The following SIM1 variants were observed in gnomAD, a reference collection of about 807,000 sequenced individuals.
SIM1 encodes SIM bHLH transcription factor 1.
SIM1 carries 18 observed loss-of-function variants against 78.2 expected under a neutral mutation model. The observed-to-expected ratio is 0.23, with a 90% CI of 0.16 to 0.34. The LOEUF is 0.34. Among genes scored for constraint, SIM1 ranks in the 10% least tolerant of loss-of-function variants. SIM1 has a pLI of 1.00. For missense variants in SIM1, 939 were observed against 975.1 expected (o/e 0.96, Z 0.49); for synonymous variants, 417 against 385.2 (o/e 1.08, Z -0.97).
In SIM1 at chr6:100,388,409, G is replaced by A. The variant is rs1770559025; in HGVS notation, c.*1952C>T. ...CACAGTTCAAACCCATGTTATTCAA[G>A]GGTCAACTGCACTTTGAATTTTTTG... On this transcript the variant is annotated 3_prime_UTR_variant, in exon 12 of 12. Coordinates refer to ENST00000369208, the MANE Select transcript of SIM1 (RefSeq NM_005068.3). 6.6e-6 allele frequency: 1 copy of A among 152,116 alleles called. No individual in the cohort carries two copies. The highest frequency in any genetic ancestry group is 1.5e-5 in the Non-Finnish European group (1 of 68,014). The allele number at this position is 152,116 out of a possible 1,614,324, so 9.4% of individuals were successfully genotyped here.
At chr6:100,435,884 G>A (rs970864853) in intron 9 of SIM1, among the ~76,000 whole-genome samples, 4 of 152,066 alleles carry the variant, frequency 2.6e-5, no homozygotes, top group African/African-American at 9.7e-5. Flanking sequence ...CTGAGGCAAT[G>A]AGATAAACAG....
At chr6:100,402,567 CTTTTTTTTTTTTTT>C (rs869130841) in intron 10 of SIM1, among the ~76,000 whole-genome samples, 2 of 76,336 alleles carry the variant, frequency 2.6e-5, no homozygotes, top group Admixed American at 1.7e-4. Context: ...TTTCTTTTCT[CTTTTTTTTTTTTTT>C]TTTTTTTTTT....
chr6:100,450,696 T>TCTCTCTCTCTCACACACACACACA (rs1421452803), intron 3 of SIM1, among the ~76,000 whole-genome samples: 1 of 91,930 alleles, frequency 1.1e-5, no homozygotes, highest in African/African-American at 3.9e-5. Context: ...TCTCTCTCTC[T>TCTCTCTCTCTCACACACACACACA]CACACACACA....
intron 9 of SIM1, among the ~76,000 whole-genome samples, chr6:100,424,689 C>T (rs770097535): frequency 6.6e-6 from 1 of 152,020 alleles, no homozygotes; most frequent in Non-Finnish European, 1.5e-5. Flanking sequence ...GATCCTCCTG[C>T]CTTGACCTCC....
intron 10 of SIM1, among the ~76,000 whole-genome samples, chr6:100,418,098 G>A (rs1259080321): frequency 1.3e-5 from 2 of 152,126 alleles, no homozygotes; most frequent in Non-Finnish European, 2.9e-5. Context: ...ATGGGCACTT[G>A]GGAGGCTGAC....
At chr6:100,404,158 A>G (rs17060510) in intron 10 of SIM1, among the ~76,000 whole-genome samples, 11,658 of 152,290 alleles carry the variant, frequency 0.077, 512 homozygotes, top group East Asian at 0.18. Flanking sequence ...GTCTCATACC[A>G]CAAGTACACC....
intron 10 of SIM1, among the ~76,000 whole-genome samples, chr6:100,398,837 C>G (rs1304649845): frequency 6.6e-6 from 1 of 151,984 alleles, no homozygotes; most frequent in Non-Finnish European, 1.5e-5. Context: ...CTTTGAGGAC[C>G]TGCCGTGCTG....
chr6:100,444,777 A>G (rs1318637586), intron 9 of SIM1, among the ~76,000 whole-genome samples: 4 of 152,194 alleles, frequency 2.6e-5, no homozygotes, highest in African/African-American at 9.6e-5. Context: ...CTTCAGCAAT[A>G]AATCAGGAAA....
chr6:100,402,002 G>A (rs1770926683), intron 10 of SIM1, among the ~76,000 whole-genome samples: 1 of 152,158 alleles, frequency 6.6e-6, no homozygotes, highest in Non-Finnish European at 1.5e-5. Context: ...TTGTGCAAAG[G>A]ATCACTTTTC....
At chr6:100,405,881 T>C (rs954412600) in intron 10 of SIM1, among the ~76,000 whole-genome samples, 1 of 152,168 alleles carries the variant, frequency 6.6e-6, no homozygotes, top group African/African-American at 2.4e-5. Context: ...CTGGGTTTCC[T>C]TCAGTGTAAC....
At chr6:100,457,950 T>C (rs141696068) in intron 2 of SIM1, among the ~76,000 whole-genome samples, 1 of 152,054 alleles carries the variant, frequency 6.6e-6, no homozygotes, top group Non-Finnish European at 1.5e-5. Flanking sequence ...AATCCACTAA[T>C]GTTACTGTAA....
intron 9 of SIM1, among the ~76,000 whole-genome samples, chr6:100,433,108 A>C (rs1771943786): frequency 6.6e-6 from 1 of 152,088 alleles, no homozygotes; most frequent in Non-Finnish European, 1.5e-5. Flanking sequence ...AGGCAATTAC[A>C]ATCATTTCTC....
At chr6:100,447,510 T>G in intron 8 of SIM1, 95 bp from the exon 9 acceptor site, 7 of 1,376,308 alleles carry the variant, frequency 5.1e-6, no homozygotes, top group South Asian at 1.3e-5. Flanking sequence ...GGGCTCCCTG[T>G]GGGCCCTAAT....
In SIM1 at chr6:100,418,190, A is replaced by C. The variant is rs548601598; in HGVS notation, c.1167+2600T>G. Among the ~76,000 whole-genome samples, 21 of 152,094 alleles carry C rather than the reference A, an allele frequency of 1.4e-4. No homozygotes were observed. The East Asian group carries it at 4.1e-3, about 29-fold the overall frequency. On this transcript the variant is annotated intron_variant, in intron 10 of 11. Transcript: ENST00000369208. ...CTCCCATGTCTACAAAAATTAAAAA[A>C]AAATTTTAAAAATTAATGGGGCACA...
At chr6:100,406,034 G>A (rs145353006) in intron 10 of SIM1, among the ~76,000 whole-genome samples, 1 of 152,142 alleles carries the variant, frequency 6.6e-6, no homozygotes, top group African/African-American at 2.4e-5. Context: ...TTTTAATCAG[G>A]TAACAATAAA....
At chr6:100,419,162 T>C (rs1394552694) in intron 10 of SIM1, among the ~76,000 whole-genome samples, 1 of 152,094 alleles carries the variant, frequency 6.6e-6, no homozygotes, top group Non-Finnish European at 1.5e-5. Flanking sequence ...CGAGACTCCA[T>C]CTCAAAAAAG....
intron 10 of SIM1, 131 bp downstream of exon 10, chr6:100,420,659 C>G: frequency 1.2e-6 from 1 of 858,858 alleles, no homozygotes; most frequent in Non-Finnish European, 1.8e-6. Context: ...TTTAGAGAAC[C>G]TTCCAGATTT....
intron 3 of SIM1, among the ~76,000 whole-genome samples, chr6:100,452,305 C>G (rs1461889352): frequency 6.6e-6 from 1 of 152,192 alleles, no homozygotes; most frequent in Non-Finnish European, 1.5e-5. Context: ...CCTATACCAC[C>G]TGGTAAACTA....
intron 9 of SIM1, among the ~76,000 whole-genome samples, chr6:100,423,549 T>C (rs907399112): frequency 2.6e-5 from 4 of 152,224 alleles, no homozygotes; most frequent in African/African-American, 9.6e-5. Context: ...GTCTTATCTT[T>C]CTCAGTGGAT....
Sources: gnomAD v4.1 joint callset for allele counts (sites outside exome capture counted in the v4.1 genomes callset) on GRCh38, gnomAD v4.1.1 for gene constraint, MANE v1.5 for transcripts, NCBI Gene and HGNC (gene_info 2026-07-23, HGNC 2026-07-21) for gene names.